Variants in CPVL observed in about 807,000 individuals in gnomAD.
CPVL encodes probable serine carboxypeptidase CPVL.
A neutral mutation model predicts 63.7 loss-of-function variants in CPVL; 51 were observed. The ratio of observed to expected loss-of-function variants is 0.80; its 90% CI spans 0.64 to 1.01. The LOEUF (loss-of-function observed/expected upper bound fraction) is 1.01, where lower values mean the gene tolerates loss of function less well. CPVL is among the 50% of genes least tolerant of loss of function. The pLI, the probability that CPVL is intolerant of heterozygous loss-of-function variation, is 0.00. For synonymous variants in CPVL, 195 were observed against 206.0 expected (o/e 0.95, Z 0.46); for missense variants, 530 against 573.1 (o/e 0.92, Z 0.77).
At chr7:29,052,236 C>G (rs1490423018) in intron 11 of CPVL, among the ~76,000 whole-genome samples, 1 of 150,906 alleles carries the variant, frequency 6.6e-6, no homozygotes, top group African/African-American at 2.4e-5. Flanking sequence ...CAAATCACCA[C>G]TAAAGAACTT....
chr7:29,103,715 C>T (rs554882144), intron 3 of CPVL, among the ~76,000 whole-genome samples: 1 of 152,298 alleles, frequency 6.6e-6, no homozygotes, highest in Non-Finnish European at 1.5e-5. Flanking sequence ...CCCCTTTCTT[C>T]CTATCTCCAA....
At chr7:29,183,408 G>T (rs1455628133) in intron 4 of CPVL, among the ~76,000 whole-genome samples, 1 of 149,096 alleles carries the variant, frequency 6.7e-6, no homozygotes, top group African/African-American at 2.5e-5. Context: ...ACAGGGTCTT[G>T]CTCTGTTGCC....
chr7:29,008,713 T>C (rs1201227688), intron 12 of CPVL, among the ~76,000 whole-genome samples: 1 of 152,168 alleles, frequency 6.6e-6, no homozygotes, highest in East Asian at 1.9e-4. Flanking sequence ...AGCAAGGATA[T>C]CATAAAGCAG....
At chr7:28,997,238 T>C (rs1784173079) in intron 12 of CPVL, among the ~76,000 whole-genome samples, 1 of 152,080 alleles carries the variant, frequency 6.6e-6, no homozygotes, top group Non-Finnish European at 1.5e-5. Flanking sequence ...GGACAGGAGG[T>C]ACCAGTGCAT....
upstream of CPVL, chr7:29,148,783 A>G (rs888145663): frequency 1.3e-5 from 2 of 152,186 alleles, no homozygotes; most frequent in African/African-American, 4.8e-5. Flanking sequence ...GTTGTGGGGA[A>G]GGGATGAAGG....
chr7:29,064,273 T>C lies in CPVL; in HGVS notation c.964-39A>G, dbSNP rs143251967. The C allele has an allele frequency of 1.0e-3, 1,317 of 1,318,940 alleles. 6 individuals are homozygous for C. The highest frequency in any genetic ancestry group is 9.1e-3 in the East Asian group (395 of 43,196). The allele number at this position is 1,318,940 out of a possible 1,614,324, so 81.7% of individuals were successfully genotyped here. On this transcript the variant is annotated intron_variant, in intron 10 of 12. Transcript: ENST00000265394. ...CATTGGAAAGACATAGGGAACATGATTGGTGGCAGGAACAGTATGTTGGGA... is the reference window on the plus strand; with the variant it reads ...CATTGGAAAGACATAGGGAACATGACTGGTGGCAGGAACAGTATGTTGGGA...
Position 29,067,055 on chromosome 7 carries a change from T to G in CPVL, c.865-934A>C, listed in dbSNP as rs1389778380. On this transcript the variant is annotated intron_variant, in intron 9 of 12. Transcript: ENST00000265394. ...TCAATGGATTGAAAGGTAGTGAGGT[T>G]GCAGGGCTGTAAGATCAGTACATTA... Among the ~76,000 whole-genome samples, 7 of 152,134 alleles carry G rather than the reference T, an allele frequency of 4.6e-5. No homozygotes were observed. In the East Asian group the frequency reaches 1.4e-3, roughly 29 times the overall value.
At chr7:29,153,848 G>C (rs144132465) in intron 5 of CPVL, among the ~76,000 whole-genome samples, 2,608 of 152,214 alleles carry the variant, frequency 0.017, 55 homozygotes, top group African/African-American at 0.059. Flanking sequence ...GGGATTACAG[G>C]CATGAGCCAC....
chr7:29,086,684 T>A (rs1785233280), intron 6 of CPVL, 134 bp from the exon 7 acceptor site: 1 of 670,880 alleles, frequency 1.5e-6, no homozygotes, highest in East Asian at 2.6e-5. Flanking sequence ...TGCTATGAGC[T>A]CCTGTAGGAC....
At position 29,008,391 on chromosome 7, in the gene CPVL, A is replaced by C. The variant is rs1437361650; in HGVS notation, c.1321-12509T>G. Among the ~76,000 whole-genome samples, 4 of 152,190 alleles carry C rather than the reference A, an allele frequency of 2.6e-5. No individual in the cohort carries two copies. The East Asian group carries it at 7.7e-4, about 29-fold the overall frequency. On this transcript the variant is annotated intron_variant, in intron 12 of 12. Transcript: ENST00000265394. ...ACTTGCATTTTGGAAAAAGCACAGA[A>C]GGGCAGATTGGTGAGGAAGGAGACT...
intron 1 of CPVL, among the ~76,000 whole-genome samples, chr7:29,142,431 C>G (rs1791992365): frequency 6.6e-6 from 1 of 152,044 alleles, no homozygotes. Context: ...CAGCTGTCAC[C>G]TCCAAAAGGA....
intron 12 of CPVL, among the ~76,000 whole-genome samples, chr7:29,000,620 G>A (rs1050096907): frequency 7.2e-5 from 11 of 152,194 alleles, no homozygotes; most frequent in African/African-American, 2.2e-4. Flanking sequence ...ACAGGCAAAC[G>A]CTAGTGGGAC....
intron 1 of CPVL, among the ~76,000 whole-genome samples, chr7:29,140,898 G>C (rs1361953366): frequency 6.6e-6 from 1 of 152,150 alleles, no homozygotes; most frequent in African/African-American, 2.4e-5. Flanking sequence ...AAATAAGCCA[G>C]GATTTTAGGT....
At chr7:29,107,935 C>T (rs1232594084) in intron 3 of CPVL, among the ~76,000 whole-genome samples, 1 of 152,218 alleles carries the variant, frequency 6.6e-6, no homozygotes. Context: ...GGGACATGCT[C>T]TTCTACTGCC....
At chr7:29,044,022 A>G (rs758257484) in intron 11 of CPVL, among the ~76,000 whole-genome samples, 32 of 152,186 alleles carry the variant, frequency 2.1e-4, no homozygotes, top group Non-Finnish European at 4.0e-4. Flanking sequence ...GATGATGGAA[A>G]AACAAAGACA....
intron 12 of CPVL, among the ~76,000 whole-genome samples, chr7:29,023,780 C>T (rs1787238492): frequency 6.6e-6 from 1 of 152,136 alleles, no homozygotes; most frequent in Admixed American, 6.5e-5. Flanking sequence ...TTACTGTGCC[C>T]ACCCAAAATC....
At chr7:29,011,837 A>C (rs1046961351) in intron 12 of CPVL, 4 of 152,222 alleles carry the variant, frequency 2.6e-5, no homozygotes, top group Admixed American at 6.5e-5. Context: ...TTTTCAACAT[A>C]TCTATAACAG....
chr7:29,169,835 T>C (rs181215974), intron 5 of CPVL, among the ~76,000 whole-genome samples: 42 of 151,456 alleles, frequency 2.8e-4, no homozygotes, highest in East Asian at 1.7e-3. Flanking sequence ...TATATATATA[T>C]ACACACATAT....
At chr7:29,055,975 C>T (rs1422825102) in intron 11 of CPVL, among the ~76,000 whole-genome samples, 1 of 152,008 alleles carries the variant, frequency 6.6e-6, no homozygotes, top group Admixed American at 6.6e-5. Context: ...AGCATCTATC[C>T]CCTTTACTAG....
Sources: gnomAD v4.1 joint callset for allele counts (sites outside exome capture counted in the v4.1 genomes callset) on GRCh38, gnomAD v4.1.1 for gene constraint, MANE v1.5 for transcripts, NCBI Gene and HGNC (gene_info 2026-07-23, HGNC 2026-07-21) for gene names.